The following MGMT variants were observed in gnomAD, a reference collection of about 807,000 sequenced individuals.
The protein encoded by MGMT is methylated-DNA--protein-cysteine methyltransferase.
In MGMT, 14 loss-of-function variants were observed where a neutral mutation model predicts 15.9. That is an observed-to-expected ratio of 0.88 (90% CI 0.58 to 1.37). MGMT has a LOEUF of 1.37. MGMT is among the 40% of genes most tolerant of loss of function. MGMT has a pLI of 0.00. For synonymous variants in MGMT, 130 were observed against 118.2 expected (o/e 1.10, Z -0.65); for missense variants, 282 against 268.1 (o/e 1.05, Z -0.36).
At chr10:129,498,575 G>A (rs565842148) in intron 1 of MGMT, among the ~76,000 whole-genome samples, 2 of 152,150 alleles carry the variant, frequency 1.3e-5, no homozygotes, top group Non-Finnish European at 2.9e-5. Context: ...GTATAGTCCA[G>A]TGCTGTCTTT....
intron 2 of MGMT, among the ~76,000 whole-genome samples, chr10:129,625,562 C>T (rs910069579): frequency 6.6e-6 from 1 of 152,170 alleles, no homozygotes; most frequent in Non-Finnish European, 1.5e-5. Context: ...GTGTAATTCT[C>T]CACATTCACA....
chr10:129,631,131 T>C (rs1352046421), intron 2 of MGMT, among the ~76,000 whole-genome samples: 1 of 152,090 alleles, frequency 6.6e-6, no homozygotes, highest in Admixed American at 6.5e-5. Flanking sequence ...CTTTTATTTA[T>C]GTTAATGAAA....
chr10:129,576,801 C>T (rs962908694), intron 2 of MGMT, among the ~76,000 whole-genome samples: 5 of 152,162 alleles, frequency 3.3e-5, no homozygotes, highest in African/African-American at 1.2e-4. Flanking sequence ...CGTCTCATCC[C>T]AAAATCTCCT....
At chr10:129,642,837 C>T (rs1436903773) in intron 2 of MGMT, among the ~76,000 whole-genome samples, 2 of 151,884 alleles carry the variant, frequency 1.3e-5, no homozygotes, top group Non-Finnish European at 2.9e-5. Flanking sequence ...GAGGCTGAGG[C>T]GGGAAGACCA....
intron 1 of MGMT, among the ~76,000 whole-genome samples, chr10:129,480,589 A>C (rs1845346940): frequency 6.6e-6 from 1 of 152,148 alleles, no homozygotes; most frequent in South Asian, 2.1e-4. Flanking sequence ...CATCACTTGA[A>C]AGTTCTGGCT....
At chr10:129,522,757 C>G (rs549598082) in intron 1 of MGMT, among the ~76,000 whole-genome samples, 1 of 152,120 alleles carries the variant, frequency 6.6e-6, no homozygotes, top group Non-Finnish European at 1.5e-5. Context: ...GATGTCTGGA[C>G]GAGGAGAAAG....
intron 1 of MGMT, among the ~76,000 whole-genome samples, chr10:129,474,072 A>C (rs1244073956): frequency 1.3e-5 from 2 of 152,274 alleles, no homozygotes; most frequent in Non-Finnish European, 2.9e-5. Flanking sequence ...GAGCAGTGGG[A>C]CTATGGATGC....
At chr10:129,472,285 C>T (rs576506234) in intron 1 of MGMT, among the ~76,000 whole-genome samples, 1 of 152,274 alleles carries the variant, frequency 6.6e-6, no homozygotes, top group Non-Finnish European at 1.5e-5. Context: ...GGCACCTCCT[C>T]ATCCATTGGG....
At chr10:129,766,052 G>T (rs1351821160) in intron 4 of MGMT, among the ~76,000 whole-genome samples, 2 of 152,204 alleles carry the variant, frequency 1.3e-5, no homozygotes, top group Non-Finnish European at 2.9e-5. Flanking sequence ...TCCCCTGGTG[G>T]GACTGGCCAT....
chr10:129,707,538 C>T (rs561535507), intron 2 of MGMT, among the ~76,000 whole-genome samples: 1 of 152,276 alleles, frequency 6.6e-6, no homozygotes, highest in South Asian at 2.1e-4. Flanking sequence ...GTGGTGCAGT[C>T]TAATGACTGT....
chr10:129,644,830 C>T (rs1277345051), intron 2 of MGMT, among the ~76,000 whole-genome samples: 2 of 152,178 alleles, frequency 1.3e-5, no homozygotes, highest in Non-Finnish European at 2.9e-5. Flanking sequence ...GTAGGGCTCA[C>T]GACAGCTTGT....
Position 129,530,318 on chromosome 10 carries a change from A to AT in MGMT, c.-12-5917dup, listed in dbSNP as rs1205800164. 2.6e-5 allele frequency among the ~76,000 whole-genome samples: 4 copies of AT among 152,302 alleles called. No individual in the cohort carries two copies. In the East Asian group the frequency reaches 5.8e-4, roughly 22 times the overall value. On this transcript the variant is annotated intron_variant, in intron 1 of 4. Transcript: ENST00000651593. ...AGTTTAAATCATCCTACCTTATTTGATTTTTTAAAAATAAACTGATTTTGG... is the reference window on the plus strand; with the variant it reads ...AGTTTAAATCATCCTACCTTATTTGATTTTTTTAAAAATAAACTGATTTTGG...
chr10:129,525,976 T>C (rs1443939459), intron 1 of MGMT, among the ~76,000 whole-genome samples: 1 of 152,228 alleles, frequency 6.6e-6, no homozygotes, highest in Non-Finnish European at 1.5e-5. Context: ...GCTCCAGTTT[T>C]GTTTGGTGAA....
intron 2 of MGMT, among the ~76,000 whole-genome samples, chr10:129,553,474 C>T (rs187748976): frequency 2.4e-4 from 37 of 152,274 alleles, no homozygotes; most frequent in African/African-American, 8.2e-4. Context: ...TGTTCACCAG[C>T]GCATGTGAAC....
At chr10:129,714,024 G>C (rs980687769) in intron 3 of MGMT, among the ~76,000 whole-genome samples, 47 of 152,260 alleles carry the variant, frequency 3.1e-4, no homozygotes, top group African/African-American at 1.1e-3. Context: ...AAGAATGTCA[G>C]ATAATCCAGA....
At chr10:129,618,605 T>A (rs1564738880) in intron 2 of MGMT, among the ~76,000 whole-genome samples, 1 of 152,054 alleles carries the variant, frequency 6.6e-6, no homozygotes, top group Non-Finnish European at 1.5e-5. Context: ...CAGTTTTGAG[T>A]CTTGATCTTT....
At chr10:129,689,260 A>G (rs1234100492) in intron 2 of MGMT, among the ~76,000 whole-genome samples, 1 of 152,182 alleles carries the variant, frequency 6.6e-6, no homozygotes, top group Non-Finnish European at 1.5e-5. Flanking sequence ...ACAATATTCA[A>G]CAGTCAGTCA....
chr10:129,632,727 C>A (rs538671279), intron 2 of MGMT, among the ~76,000 whole-genome samples: 1 of 152,190 alleles, frequency 6.6e-6, no homozygotes, highest in South Asian at 2.1e-4. Context: ...GGGTTGTGGA[C>A]CCAGTCACAT....
At chr10:129,582,625 T>C (rs995694170) in intron 2 of MGMT, among the ~76,000 whole-genome samples, 5 of 152,078 alleles carry the variant, frequency 3.3e-5, no homozygotes, top group Admixed American at 6.6e-5. Context: ...AAATGAGATA[T>C]AGAATTTTAG....
Sources: gnomAD v4.1 joint callset for allele counts (sites outside exome capture counted in the v4.1 genomes callset) on GRCh38, gnomAD v4.1.1 for gene constraint, MANE v1.5 for transcripts, NCBI Gene and HGNC (gene_info 2026-07-23, HGNC 2026-07-21) for gene names.